The following RIT2 variants were observed in gnomAD, a reference collection of about 807,000 sequenced individuals.
RIT2 encodes the protein Ras like without CAAX 2, also known as GTP-binding protein Rit2.
A neutral mutation model predicts 23.7 loss-of-function variants in RIT2; 24 were observed. The ratio of observed to expected loss-of-function variants is 1.01; its 90% confidence interval spans 0.73 to 1.43. The LOEUF is 1.43. Ranked by LOEUF, RIT2 falls within the 40% of genes most tolerant of loss-of-function variation. The pLI is 0.00. For synonymous variants in RIT2, 107 were observed against 91.1 expected (o/e 1.17, Z -0.99); for missense variants, 236 against 266.9 (o/e 0.88, Z 0.81).
chr18:42,780,836 T>TA (rs1470933748), intron 4 of RIT2, among the ~76,000 whole-genome samples: 8 of 151,606 alleles, frequency 5.3e-5, no homozygotes, highest in Non-Finnish European at 8.8e-5. Flanking sequence ...TTTTTTTTTT[T>TA]ACCCATTGGC....
At chr18:43,101,126 G>A (rs1030274418) in intron 1 of RIT2, among the ~76,000 whole-genome samples, 2 of 151,782 alleles carry the variant, frequency 1.3e-5, no homozygotes, top group African/African-American at 4.8e-5. Flanking sequence ...ACTTTTAATT[G>A]AGGACTATTA....
At chr18:43,068,047 A>G (rs1912810653) in intron 1 of RIT2, among the ~76,000 whole-genome samples, 1 of 152,216 alleles carries the variant, frequency 6.6e-6, no homozygotes. Context: ...GAGACACAAT[A>G]CAAACTTGAA....
chr18:43,028,267 A>T (rs990688175), intron 2 of RIT2, among the ~76,000 whole-genome samples: 1 of 152,034 alleles, frequency 6.6e-6, no homozygotes, highest in East Asian at 1.9e-4. Flanking sequence ...CTCTGAGGAG[A>T]TGTATGCAAA....
chr18:43,036,306 A>C (rs969856794), intron 1 of RIT2, among the ~76,000 whole-genome samples: 1 of 152,124 alleles, frequency 6.6e-6, no homozygotes. Context: ...TTGGGAGGCC[A>C]AGGCGGGTGG....
chr18:42,770,153 C>G (rs1019504760), intron 4 of RIT2, among the ~76,000 whole-genome samples: 10 of 152,164 alleles, frequency 6.6e-5, no homozygotes, highest in Admixed American at 5.9e-4. Flanking sequence ...CGGAATTGTC[C>G]TGTGGGATCT....
chr18:42,871,872 A>C (rs1277568698), intron 4 of RIT2, among the ~76,000 whole-genome samples: 1 of 152,228 alleles, frequency 6.6e-6, no homozygotes, highest in African/African-American at 2.4e-5. Flanking sequence ...GACTTATTTC[A>C]AATGATCTGG....
chr18:42,940,580 T>C (rs1422741861), intron 3 of RIT2, among the ~76,000 whole-genome samples: 2 of 151,808 alleles, frequency 1.3e-5, no homozygotes, highest in African/African-American at 4.8e-5. Flanking sequence ...ACACAGCACT[T>C]AGTAGGTCCT....
intron 1 of RIT2, among the ~76,000 whole-genome samples, chr18:43,065,665 G>A (rs1451192728): frequency 6.6e-6 from 1 of 151,924 alleles, no homozygotes; most frequent in Non-Finnish European, 1.5e-5. Flanking sequence ...TTATAAAATG[G>A]AAGTGGTTAG....
intron 4 of RIT2, among the ~76,000 whole-genome samples, chr18:42,857,338 T>G (rs1180700811): frequency 6.6e-6 from 1 of 152,230 alleles, no homozygotes; most frequent in African/African-American, 2.4e-5. Flanking sequence ...CTAACTCTTT[T>G]TTCTCTATGT....
chr18:42,939,040 C>G (rs1438931197), intron 3 of RIT2, among the ~76,000 whole-genome samples: 1 of 152,102 alleles, frequency 6.6e-6, no homozygotes, highest in Non-Finnish European at 1.5e-5. Flanking sequence ...GAAGCACCAC[C>G]CCAGGCCAAT....
At chr18:42,984,366 G>A (rs541586159) in intron 2 of RIT2, among the ~76,000 whole-genome samples, 7 of 152,000 alleles carry the variant, frequency 4.6e-5, no homozygotes, top group East Asian at 1.9e-4. Context: ...TGACAAAATT[G>A]TAGATATAAA....
intron 2 of RIT2, among the ~76,000 whole-genome samples, chr18:42,993,810 A>T (rs1348428169): frequency 6.6e-6 from 1 of 151,952 alleles, no homozygotes; most frequent in Non-Finnish European, 1.5e-5. Flanking sequence ...GCGATCGATC[A>T]TGCACCCCTT....
chr18:43,015,063 G>C (rs928107606), intron 2 of RIT2, among the ~76,000 whole-genome samples: 1 of 151,648 alleles, frequency 6.6e-6, no homozygotes, highest in Non-Finnish European at 1.5e-5. Flanking sequence ...GAAAATGTAG[G>C]GTTATAAAGA....
At chr18:42,837,528 A>C (rs1436172624) in intron 4 of RIT2, among the ~76,000 whole-genome samples, 1 of 152,076 alleles carries the variant, frequency 6.6e-6, no homozygotes, top group Non-Finnish European at 1.5e-5. Flanking sequence ...GATCATATGC[A>C]GTTTATGGGC....
At chr18:42,982,880 A>G (rs1910628271) in intron 2 of RIT2, among the ~76,000 whole-genome samples, 1 of 152,118 alleles carries the variant, frequency 6.6e-6, no homozygotes, top group Admixed American at 6.6e-5. Flanking sequence ...GGAAGACAGC[A>G]TAATAAAGAT....
At chr18:43,042,073 G>A (rs1912140452) in intron 1 of RIT2, among the ~76,000 whole-genome samples, 1 of 152,084 alleles carries the variant, frequency 6.6e-6, no homozygotes, top group Non-Finnish European at 1.5e-5. Flanking sequence ...CTCAAAGACA[G>A]AAGATGGCAA....
Position 42,793,625 on chromosome 18 carries a change from A to G in RIT2, c.427-49905T>C, listed in dbSNP as rs550563899. On this transcript the variant is annotated intron_variant, in intron 4 of 4. Coordinates refer to ENST00000326695, the MANE Select transcript of RIT2 (RefSeq NM_002930.4). ...CAGTTAGAAAACAAACAAACAAACA[A>G]ACAAAGAGGCCTGAGGACTGAGACC... Among the ~76,000 whole-genome samples, 7 of 152,314 alleles carry G rather than the reference A, an allele frequency of 4.6e-5. No individual in the cohort carries two copies. In the East Asian group the frequency reaches 1.2e-3, roughly 25 times the overall value.
intron 4 of RIT2, among the ~76,000 whole-genome samples, chr18:42,785,081 C>T (rs1001223624): frequency 6.6e-6 from 1 of 152,012 alleles, no homozygotes; most frequent in Non-Finnish European, 1.5e-5. Context: ...AGCATTTTCT[C>T]ATATTTTATA....
chr18:43,104,050 A>G (rs1405356391), intron 1 of RIT2, among the ~76,000 whole-genome samples: 1 of 152,234 alleles, frequency 6.6e-6, no homozygotes, highest in Non-Finnish European at 1.5e-5. Context: ...CCATCAACAG[A>G]TAAATGGATA....
Sources: allele counts gnomAD v4.1 joint callset (sites outside exome capture counted in the v4.1 genomes callset), GRCh38; gene constraint gnomAD v4.1.1; transcripts MANE v1.5; gene names NCBI Gene and HGNC (gene_info 2026-07-23, HGNC 2026-07-21).